JADE2: variants seen among roughly 807,000 people sequenced by gnomAD.
JADE2 encodes jade family PHD finger 2.
A neutral mutation model predicts 85.7 loss-of-function variants in JADE2; 13 were observed. The observed-to-expected ratio is 0.15, with a 90% confidence interval of 0.10 to 0.24. The LOEUF is 0.24. Among genes scored for constraint, JADE2 ranks in the 10% least tolerant of loss-of-function variants. The pLI, the probability that JADE2 is intolerant of heterozygous loss-of-function variation, is 1.00. For missense variants in JADE2, 846 were observed against 1,115.9 expected, an observed-to-expected ratio of 0.76 and a Z score of 3.45; for synonymous variants, 440 against 456.1, an observed-to-expected ratio of 0.96 and a Z score of 0.45.
At chr5:134,547,580 A>C (rs2149918024) in intron 3 of JADE2, among the ~76,000 whole-genome samples, 1 of 152,352 alleles carries the variant, frequency 6.6e-6, no homozygotes, top group South Asian at 2.1e-4. Context: ...GAGAACATTT[A>C]AGCCTTTTCC....
chr5:134,551,972 A>C (rs1762618315), intron 3 of JADE2, 80 bp from the exon 4 acceptor site: 2 of 1,346,442 alleles, frequency 1.5e-6, no homozygotes, highest in Admixed American at 1.9e-5. Flanking sequence ...AGTTGCATGT[A>C]TCTGCCTCTT....
rs561754739 is a variant in JADE2, at chr5:134,538,065, C to G, written c.135C>G (p.Asn45Lys). 5.6e-6 allele frequency: 9 copies of G among 1,613,810 alleles called. No homozygotes were observed. The highest frequency in any genetic ancestry group is 1.3e-5 in the African/African-American group (1 of 74,926). Residue 45 changes from asparagine (N) to lysine (K), a missense_variant, in exon 3 of 12, where the codon AAC (asparagine) becomes AAG (lysine). Physicochemically the swap from Asn to Lys is moderately conservative, Grantham distance 94. Coordinates refer to ENST00000681547, the MANE Select transcript of JADE2 (RefSeq NM_001388185.1). ...CCAAGTCGGGCTGGCCCCGACAGAA[C>G]GAAAAGAAGCCCTCCGAGGTGGGTA... ...SSTKSGWPRQNEKKPSEVFRT... is the reference protein window; with the variant it reads ...SSTKSGWPRQKEKKPSEVFRT...
chr5:134,552,783 C>G (rs373034370), intron 4 of JADE2, among the ~76,000 whole-genome samples: 1 of 151,840 alleles, frequency 6.6e-6, no homozygotes, highest in African/African-American at 2.4e-5. Context: ...AGCAGTCCTC[C>G]CACCTCAGCC....
At position 134,562,343 on chromosome 5, in the gene JADE2, C is replaced by G. The variant is rs115088442; in HGVS notation, c.828C>G (p.Val276=). The G allele has an allele frequency of 6.2e-7, 1 of 1,613,474 alleles. No homozygotes were observed. Among genetic ancestry groups the G allele is most frequent in the East Asian group, 2.2e-5 (1 of 44,876 alleles). ...PTRSGTKWVH[V]SCALWIPEVS... is the part of the protein sequence containing the mutation. Reference sequence around the variant, plus strand: ...GAAGTGGGACCAAGTGGGTGCATGTCAGCTGTGCCCTATGGATTCCTGAGG... The same window carrying G: ...GAAGTGGGACCAAGTGGGTGCATGTGAGCTGTGCCCTATGGATTCCTGAGG... The change falls in exon 7 of 12, where the codon GTC becomes GTG. Residue 276 remains valine (V), a synonymous_variant. Transcript: ENST00000681547. The surrounding 1 kb of genome is among the most constrained non-coding windows in gnomAD (Gnocchi z 4.6).
Position 134,578,804 on chromosome 5 carries a change from T to C in JADE2, c.1992T>C (p.Thr664=). The C allele has an allele frequency of 6.2e-7, 1 of 1,613,670 alleles. No individual in the cohort carries two copies. Among genetic ancestry groups the C allele is most frequent in the Non-Finnish European group, 8.5e-7 (1 of 1,179,992 alleles). The change falls in exon 12 of 12, where the codon ACT becomes ACC. Residue 664 remains threonine (T), a synonymous_variant. Coordinates refer to ENST00000681547, the MANE Select transcript of JADE2 (RefSeq NM_001388185.1). This position sits in a 1 kb window ranked among gnomAD's most constrained non-coding sequence, Gnocchi z 4.4. ...AGGACGGGCCTGGTTCACGGACGACTCCAGACAAAGCCCCCAAGAAGACCT... is the reference window on the plus strand; with the variant it reads ...AGGACGGGCCTGGTTCACGGACGACCCCAGACAAAGCCCCCAAGAAGACCT... ...PPQDGPGSRT[T]PDKAPKKTWG...
chr5:134,524,109 A>T (rs1165430907), upstream of JADE2, among the ~76,000 whole-genome samples: 1 of 152,156 alleles, frequency 6.6e-6, no homozygotes. Flanking sequence ...GTTGGCCACG[A>T]TGCTTTGGGG....
At chr5:134,577,133 G>C in intron 11 of JADE2, 1 of 491,466 alleles carries the variant, frequency 2.0e-6, no homozygotes, top group Non-Finnish European at 3.6e-6. Flanking sequence ...TGGAGGCTGG[G>C]CCACGCCCAC....
intron 4 of JADE2, among the ~76,000 whole-genome samples, chr5:134,556,210 C>A (rs1017271906): frequency 2.5e-4 from 38 of 152,212 alleles, no homozygotes; most frequent in African/African-American, 8.7e-4. Context: ...GCCTCCCCGC[C>A]CTGGCAGAGC....
chr5:134,572,898 A>T (rs773217580), intron 9 of JADE2, among the ~76,000 whole-genome samples: 2 of 152,258 alleles, frequency 1.3e-5, no homozygotes, highest in African/African-American at 2.4e-5. Flanking sequence ...GCCTTGAGGC[A>T]GTCAGAGAGG....
At chr5:134,557,654 G>A (rs1227434758) in intron 4 of JADE2, among the ~76,000 whole-genome samples, 2 of 92,586 alleles carry the variant, frequency 2.2e-5, no homozygotes, top group Non-Finnish European at 4.3e-5. Flanking sequence ...TCTTGCGATA[G>A]TTTACTGAGA....
chr5:134,535,874 G>A lies in JADE2; in HGVS notation c.17G>A (p.Arg6Gln), dbSNP rs764787551. Residue 6 changes from arginine (R) to glutamine (Q), a missense_variant, in exon 2 of 12, where the codon CGA becomes CAA. This residue lies in a region of JADE2 where 47 missense variants were observed against 42.2 expected (regional missense o/e 1.11). Coordinates refer to ENST00000681547, the MANE Select transcript of JADE2 (RefSeq NM_001388185.1). ...TTGTTGCAGATGGAAGAGAAGAGGC[G>A]AAAATACTCCATCAGCAGTGACAAC... Reference protein sequence around the residue: MEEKRRKYSISSDNSD... With the variant: MEEKRQKYSISSDNSD... 11 of 1,613,848 alleles carry A rather than the reference G, an allele frequency of 6.8e-6. No individual in the cohort carries two copies. Among genetic ancestry groups the A allele is most frequent in the African/African-American group, 2.7e-5 (2 of 74,914 alleles).
In JADE2 at chr5:134,578,446, T is replaced by A; in HGVS notation, c.1682-48T>A. Reference sequence around the variant, plus strand: ...AGCGTCAGTGGGCTTCCTGAAAGGGTGGGACACACGTCTGCTGGCGTCTCA... The same window carrying A: ...AGCGTCAGTGGGCTTCCTGAAAGGGAGGGACACACGTCTGCTGGCGTCTCA... On this transcript the variant is annotated intron_variant, in intron 11 of 11. Coordinates refer to ENST00000681547, the MANE Select transcript of JADE2 (RefSeq NM_001388185.1). The surrounding 1 kb of genome is among the most constrained non-coding windows in gnomAD (Gnocchi z 4.4). 2 of 1,416,210 alleles carry A rather than the reference T, an allele frequency of 1.4e-6. 1 individual carries two copies. The highest frequency in any genetic ancestry group is 2.6e-5 in the South Asian group (2 of 77,028). The allele number at this position is 1,416,210 out of a possible 1,614,324, so 87.7% of individuals were successfully genotyped here.
chr5:134,524,998 C>T (rs936274191), upstream of JADE2, among the ~76,000 whole-genome samples: 1 of 152,096 alleles, frequency 6.6e-6, no homozygotes, highest in African/African-American at 2.4e-5. Context: ...TCTTCCAGCG[C>T]TGGAGCCCCG....
chr5:134,559,569 C>G (rs1208664282), intron 4 of JADE2, among the ~76,000 whole-genome samples: 1 of 152,226 alleles, frequency 6.6e-6, no homozygotes, highest in African/African-American at 2.4e-5. Flanking sequence ...CGGATCAGCC[C>G]TGACTCCCAT....
intron 1 of JADE2, among the ~76,000 whole-genome samples, chr5:134,527,533 A>G (rs1703740210): frequency 6.7e-6 from 1 of 149,462 alleles, no homozygotes; most frequent in South Asian, 2.1e-4. Flanking sequence ...TGTCTCTTAA[A>G]CCCCTCCCCC....
At position 134,559,915 on chromosome 5, in the gene JADE2, G is replaced by C; in HGVS notation, c.397G>C (p.Gly133Arg). The change falls in exon 5 of 12, where the codon GGG becomes CGG. Residue 133 changes from glycine to arginine, a missense_variant. Transcript: ENST00000681547. ...TGAGGGCTCCCAGCCTGATTGGCCA[G>C]GGGGCAGCCGCTATGACTTGGACGA... ...LGEGSQPDWP[G>R]GSRYDLDEID... The C allele has an allele frequency of 6.2e-7, 1 of 1,613,920 alleles. No homozygotes were observed. Among genetic ancestry groups the C allele is most frequent in the Non-Finnish European group, 8.5e-7 (1 of 1,179,906 alleles).
In JADE2 at chr5:134,550,939, C is replaced by T. The variant is rs186421605; in HGVS notation, c.154-1113C>T. ...TCTCCTTCCTGCCTTCCTACCCCCC[C>T]TTCCCCAACACACACAAAGCCGGTC... On this transcript the variant is annotated intron_variant, in intron 3 of 11. Transcript: ENST00000681547. Among the ~76,000 whole-genome samples the T allele has an allele frequency of 8.8e-3, 1,348 of 152,318 alleles. 8 individuals carry two copies. The highest frequency in any genetic ancestry group is 0.013 in the Non-Finnish European group (881 of 68,022).
chr5:134,526,304 CTTTAT>C, intron 1 of JADE2: 1 of 985,300 alleles, frequency 1.0e-6, no homozygotes. Flanking sequence ...TGGCGACCTT[CTTTAT>C]TAATGACTGC....
rs1314621571 is a variant in JADE2, at chr5:134,566,069, C to T, written c.970-47C>T. 1.3e-6 allele frequency: 2 copies of T among 1,523,510 alleles called. No homozygotes were observed. The highest frequency in any genetic ancestry group is 1.4e-5 in the African/African-American group (1 of 73,254). The allele number at this position is 1,523,510 out of a possible 1,614,324, so 94.4% of individuals were successfully genotyped here. A position where few individuals can be genotyped will look rare whatever the true frequency, so the allele number is the denominator to read the frequency against. Reference sequence around the variant, plus strand: ...GGAAGCCCCTCTGTCTTCTCCCCTCCCACCAGGCTCCCTCCATGTCTGATC... The same window carrying T: ...GGAAGCCCCTCTGTCTTCTCCCCTCTCACCAGGCTCCCTCCATGTCTGATC... On this transcript the variant is annotated intron_variant, in intron 8 of 11. Transcript: ENST00000681547. This position sits in a 1 kb window ranked among gnomAD's most constrained non-coding sequence, Gnocchi z 6.7.
Sources: gnomAD v4.1 joint callset for allele counts (sites outside exome capture counted in the v4.1 genomes callset) on GRCh38, gnomAD v4.1.1 for gene constraint, gnomAD v4.1.1 regional missense constraint, Gnocchi (gnomAD v3.1) non-coding constraint, MANE v1.5 for transcripts, NCBI Gene and HGNC (gene_info 2026-07-23, HGNC 2026-07-21) for gene names.